The following RFTN2 variants were observed in gnomAD, a reference collection of about 807,000 sequenced individuals.
RFTN2 encodes the protein raftlin-2.
Under a neutral mutation model 52.7 loss-of-function variants are expected in RFTN2, and 34 were observed. The observed-to-expected ratio is 0.64, with a 90% CI of 0.49 to 0.86. RFTN2 has a LOEUF of 0.86. Among genes scored for constraint, RFTN2 ranks in the 40% least tolerant of loss-of-function variants. The pLI, the probability that RFTN2 is intolerant of heterozygous loss-of-function variation, is 0.00. For synonymous variants in RFTN2, 203 were observed against 217.7 expected, an observed-to-expected ratio of 0.93 and a Z score of 0.59; for missense variants, 536 against 600.1, an observed-to-expected ratio of 0.89 and a Z score of 1.12.
chr2:197,643,249 GA>G (rs1288901351), intron 3 of RFTN2, among the ~76,000 whole-genome samples: 1 of 151,894 alleles, frequency 6.6e-6, no homozygotes, highest in Non-Finnish European at 1.5e-5. Flanking sequence ...ACGTCCTGCT[GA>G]TTTTTTTTTC....
chr2:197,572,305 A>G (rs2087332098), intron 8 of RFTN2, 25 bp from the exon 9 acceptor site: 2 of 1,608,392 alleles, frequency 1.2e-6, no homozygotes, highest in Middle Eastern at 1.7e-4. Context: ...ATTGGTGACC[A>G]GGAGAGTTAA....
chr2:197,667,889 A>G (rs1326096691), intron 1 of RFTN2, among the ~76,000 whole-genome samples: 3 of 152,162 alleles, frequency 2.0e-5, no homozygotes, highest in Non-Finnish European at 4.4e-5. Flanking sequence ...TGGTGTTAGC[A>G]GGTCCAGGTG....
Position 197,663,131 on chromosome 2 carries a change from G to A in RFTN2, c.139+12189C>T, listed in dbSNP as rs532555365. 2.9e-4 allele frequency among the ~76,000 whole-genome samples: 44 copies of A among 152,276 alleles called. 1 individual carries two copies. The South Asian group carries it at 9.1e-3, about 32-fold the overall frequency. ...TTTTTGTCCTTCATTCTGTTGATGT[G>A]ATGTGTCATGTTTATAGATTTGCAT... On this transcript the variant is annotated intron_variant, in intron 1 of 8. Transcript: ENST00000295049.
At chr2:197,615,497 T>G (rs1277894045) in intron 7 of RFTN2, among the ~76,000 whole-genome samples, 2 of 152,186 alleles carry the variant, frequency 1.3e-5, no homozygotes, top group Admixed American at 6.5e-5. Flanking sequence ...ATATTGGCAT[T>G]TGGTTCTAAT....
At chr2:197,644,352 C>G (rs2088718408) in intron 2 of RFTN2, 80 bp from the exon 3 acceptor site, 7 of 764,490 alleles carry the variant, frequency 9.2e-6, no homozygotes, top group Non-Finnish European at 1.4e-5. Flanking sequence ...AATGAGTGAG[C>G]AACTCACAAA....
At chr2:197,618,655 G>A (rs1333381903) in intron 5 of RFTN2, among the ~76,000 whole-genome samples, 27 of 151,340 alleles carry the variant, frequency 1.8e-4, no homozygotes, top group Admixed American at 1.6e-3. Context: ...GCCTCTTCCC[G>A]GCCGCCATCA....
chr2:197,646,998 A>C (rs926269909), intron 1 of RFTN2, among the ~76,000 whole-genome samples: 3 of 152,152 alleles, frequency 2.0e-5, no homozygotes, highest in Non-Finnish European at 4.4e-5. Context: ...AAAAAAGGAA[A>C]AGTGACCTTA....
chr2:197,605,188 T>C (rs2087939279), intron 7 of RFTN2, among the ~76,000 whole-genome samples: 1 of 152,130 alleles, frequency 6.6e-6, no homozygotes, highest in Admixed American at 6.6e-5. Context: ...CCCCTTTACA[T>C]TTATTCTTTT....
At chr2:197,595,877 C>G in intron 8 of RFTN2, 114 bp downstream of exon 8, 1 of 688,934 alleles carries the variant, frequency 1.5e-6, no homozygotes, top group Non-Finnish European at 2.5e-6. Context: ...TAGGTTGGTT[C>G]AGAGGACTGT....
chr2:197,578,377 CACT>C (rs1432559836), intron 8 of RFTN2, among the ~76,000 whole-genome samples: 8 of 152,228 alleles, frequency 5.3e-5, no homozygotes, highest in Non-Finnish European at 1.0e-4. Flanking sequence ...TACCAACACA[CACT>C]TTTTTTCTTT....
At chr2:197,595,804 T>G (rs181385480) in intron 8 of RFTN2, among the ~76,000 whole-genome samples, 187 bp downstream of exon 8, 1 of 152,384 alleles carries the variant, frequency 6.6e-6, no homozygotes, top group Admixed American at 6.5e-5. Flanking sequence ...TATTTTGTGA[T>G]GGCATATTAT....
At chr2:197,634,604 A>C (rs2088528917) in intron 3 of RFTN2, among the ~76,000 whole-genome samples, 1 of 152,102 alleles carries the variant, frequency 6.6e-6, no homozygotes, top group South Asian at 2.1e-4. Context: ...GATTAGATTA[A>C]ATCCTATCAG....
intron 3 of RFTN2, among the ~76,000 whole-genome samples, chr2:197,640,273 C>A (rs1281514743): frequency 3.3e-5 from 5 of 152,102 alleles, no homozygotes; most frequent in African/African-American, 1.2e-4. Context: ...CCAGTTGGAG[C>A]TTCCTGGCTG....
At chr2:197,670,425 A>G (rs2089128727) in intron 1 of RFTN2, among the ~76,000 whole-genome samples, 1 of 152,220 alleles carries the variant, frequency 6.6e-6, no homozygotes, top group Non-Finnish European at 1.5e-5. Context: ...GATAATGCCA[A>G]ACAATTTTTT....
intron 6 of RFTN2, among the ~76,000 whole-genome samples, chr2:197,617,588 G>T (rs1574710468): frequency 6.6e-6 from 1 of 152,014 alleles, no homozygotes; most frequent in African/African-American, 2.4e-5. Context: ...GCTGAGGTTG[G>T]AGAATCACCT....
intron 1 of RFTN2, among the ~76,000 whole-genome samples, chr2:197,661,441 T>G (rs1370353830): frequency 6.6e-6 from 1 of 151,986 alleles, no homozygotes; most frequent in Non-Finnish European, 1.5e-5. Flanking sequence ...AGAGATGAGG[T>G]CTCACAATGG....
chr2:197,638,038 G>T (rs1201595766), intron 3 of RFTN2, among the ~76,000 whole-genome samples: 5 of 150,610 alleles, frequency 3.3e-5, no homozygotes, highest in African/African-American at 7.3e-5. Context: ...TTTCCATGTA[G>T]TTGAGCGGCT....
At chr2:197,620,896 G>T (rs1482403582) in intron 5 of RFTN2, among the ~76,000 whole-genome samples, 1 of 152,196 alleles carries the variant, frequency 6.6e-6, no homozygotes, top group Admixed American at 6.5e-5. Flanking sequence ...AACCCGGGAG[G>T]GGGAGATTGC....
chr2:197,641,394 A>G (rs1249646418), intron 3 of RFTN2, among the ~76,000 whole-genome samples: 2 of 152,182 alleles, frequency 1.3e-5, no homozygotes, highest in African/African-American at 4.8e-5. Context: ...CCTTTATATC[A>G]GTTGTCCTGG....
Sources: gnomAD v4.1 joint callset for allele counts (sites outside exome capture counted in the v4.1 genomes callset) on GRCh38, gnomAD v4.1.1 for gene constraint, MANE v1.5 for transcripts, NCBI Gene and HGNC (gene_info 2026-07-23, HGNC 2026-07-21) for gene names.